SYNPR: variants seen among roughly 807,000 people sequenced by gnomAD.
SYNPR encodes synaptoporin.
In SYNPR, 23 loss-of-function variants were observed where a neutral mutation model predicts 32.9. The ratio of observed to expected loss-of-function variants is 0.70; its 90% confidence interval spans 0.50 to 0.99. The LOEUF (loss-of-function observed/expected upper bound fraction) is 0.99. Ranked by LOEUF, SYNPR falls within the 50% of genes least tolerant of loss-of-function variation. The pLI is 0.00. For synonymous variants in SYNPR, 146 were observed against 135.9 expected (o/e 1.07, Z -0.52); for missense variants, 318 against 349.3 (o/e 0.91, Z 0.71).
chr3:63,293,462 CTT>C (rs1465369194), intron 2 of SYNPR, among the ~76,000 whole-genome samples: 1 of 152,052 alleles, frequency 6.6e-6, no homozygotes, highest in Non-Finnish European at 1.5e-5. Flanking sequence ...TTGAAATATA[CTT>C]TTAGATATCT....
intron 3 of SYNPR, among the ~76,000 whole-genome samples, chr3:63,543,095 T>C (rs1702336568): frequency 6.6e-6 from 1 of 152,148 alleles, no homozygotes; most frequent in African/African-American, 2.4e-5. Flanking sequence ...AAATGCACAT[T>C]CCATGAACTG....
At chr3:63,397,628 G>A (rs2107095804) in intron 2 of SYNPR, among the ~76,000 whole-genome samples, 1 of 152,186 alleles carries the variant, frequency 6.6e-6, no homozygotes, top group South Asian at 2.1e-4. Flanking sequence ...CAGAAGCCAG[G>A]TCAATACTAG....
At chr3:63,539,224 T>C (rs1702259023) in intron 3 of SYNPR, among the ~76,000 whole-genome samples, 1 of 152,146 alleles carries the variant, frequency 6.6e-6, no homozygotes, top group Non-Finnish European at 1.5e-5. Context: ...GTATTAGTCA[T>C]TCAATAGATG....
intron 2 of SYNPR, among the ~76,000 whole-genome samples, chr3:63,314,345 G>T (rs2087017611): frequency 6.6e-6 from 1 of 151,586 alleles, no homozygotes; most frequent in Admixed American, 6.6e-5. Flanking sequence ...CAGTGTAGAA[G>T]TGTTCCCTGT....
chr3:63,325,262 A>T (rs942986190), intron 2 of SYNPR, among the ~76,000 whole-genome samples: 2 of 152,120 alleles, frequency 1.3e-5, no homozygotes, highest in African/African-American at 4.8e-5. Context: ...ATTCACATGT[A>T]CCAAGCATTT....
At chr3:63,361,893 TC>T (rs2087667340) in intron 2 of SYNPR, among the ~76,000 whole-genome samples, 1 of 152,154 alleles carries the variant, frequency 6.6e-6, no homozygotes, top group Non-Finnish European at 1.5e-5. Context: ...ATGGGGCAAC[TC>T]CTGAAAAAAT....
At chr3:63,335,524 C>T (rs533965779) in intron 2 of SYNPR, among the ~76,000 whole-genome samples, 2 of 152,064 alleles carry the variant, frequency 1.3e-5, no homozygotes, top group South Asian at 4.1e-4. Flanking sequence ...ACCAAATTAA[C>T]GCACATTAAA....
chr3:63,546,828 C>T (rs918021302), intron 3 of SYNPR, among the ~76,000 whole-genome samples: 1 of 152,110 alleles, frequency 6.6e-6, no homozygotes, highest in African/African-American at 2.4e-5. Flanking sequence ...CTTTGTCTTT[C>T]ACTTAGATTT....
intron 1 of SYNPR, among the ~76,000 whole-genome samples, chr3:63,233,477 C>T (rs753554362): frequency 3.0e-4 from 45 of 151,862 alleles, no homozygotes; most frequent in Admixed American, 4.6e-4. Context: ...TTGATACTCC[C>T]ATTACTCTGA....
At chr3:63,363,581 G>A (rs1003065089) in intron 2 of SYNPR, among the ~76,000 whole-genome samples, 2 of 152,196 alleles carry the variant, frequency 1.3e-5, no homozygotes, top group Non-Finnish European at 2.9e-5. Context: ...TTGACTCTGT[G>A]TGATCTTAGG....
At chr3:63,524,837 GTGTGTGTGTGTGTGCA>G (rs1701978024) in intron 3 of SYNPR, among the ~76,000 whole-genome samples, 1 of 134,236 alleles carries the variant, frequency 7.4e-6, no homozygotes, top group Non-Finnish European at 1.6e-5. Flanking sequence ...GTGTGTGTGT[GTGTGTGTGTGTGTGCA>G]TGTGTGTGTG....
intron 2 of SYNPR, among the ~76,000 whole-genome samples, chr3:63,461,965 G>T (rs1281773432): frequency 6.6e-6 from 1 of 151,972 alleles, no homozygotes; most frequent in African/African-American, 2.4e-5. Context: ...AATTACCAAA[G>T]AGTGACTTAT....
intron 4 of SYNPR, among the ~76,000 whole-genome samples, chr3:63,605,352 T>C (rs1008400683): frequency 6.6e-6 from 1 of 152,198 alleles, no homozygotes; most frequent in African/African-American, 2.4e-5. Context: ...GACAGGAATT[T>C]GCCCTTCTAC....
intron 3 of SYNPR, among the ~76,000 whole-genome samples, chr3:63,494,407 A>G (rs1166778415): frequency 2.6e-5 from 3 of 114,614 alleles, no homozygotes; most frequent in African/African-American, 4.1e-5. Flanking sequence ...ATATATATAT[A>G]TATATATATA....
At chr3:63,202,306 G>C in the SYNPR span, among the ~76,000 whole-genome samples, 1 of 152,128 alleles carries the variant, frequency 6.6e-6, no homozygotes, top group Non-Finnish European at 1.5e-5. Flanking sequence ...CATCACATTT[G>C]AATATGCCAT....
intron 3 of SYNPR, among the ~76,000 whole-genome samples, chr3:63,537,162 G>A (rs1702224007): frequency 6.6e-6 from 1 of 151,844 alleles, no homozygotes; most frequent in Admixed American, 6.6e-5. Flanking sequence ...AAAAAAATTA[G>A]GGTCAGTCGT....
At chr3:63,210,920 A>C in the SYNPR span, among the ~76,000 whole-genome samples, 3 of 151,746 alleles carry the variant, frequency 2.0e-5, no homozygotes, top group African/African-American at 7.3e-5. Flanking sequence ...ATTCACCTTC[A>C]TACCTGACAC....
chr3:63,299,070 A>G (rs2086817809), intron 2 of SYNPR, among the ~76,000 whole-genome samples: 1 of 152,146 alleles, frequency 6.6e-6, no homozygotes, highest in African/African-American at 2.4e-5. Flanking sequence ...GCTTTGTCTG[A>G]GCTTATATTA....
Position 63,493,815 on chromosome 3 carries a change from C to CAAAAAAA in SYNPR, c.209+12875_209+12881dup, listed in dbSNP as rs3083190. Among the ~76,000 whole-genome samples the CAAAAAAA allele has an allele frequency of 1.2e-3, 90 of 75,062 alleles. 1 individual carries two copies. Among genetic ancestry groups the CAAAAAAA allele is most frequent in the South Asian group, 3.1e-3 (5 of 1,604 alleles). The allele number at this position is 75,062 out of a possible 152,430, so 49.2% of individuals were successfully genotyped here. A position where few individuals can be genotyped will look rare whatever the true frequency, so the allele number is the denominator to read the frequency against. ...TGGGTAACAGTGCAAGACTCTGTCTCAAAAAAAAAAAAAAAAAAAAAATGG... is the reference window on the plus strand; with the variant it reads ...TGGGTAACAGTGCAAGACTCTGTCTCAAAAAAAAAAAAAAAAAAAAAAAAAAAAATGG... On this transcript the variant is annotated intron_variant, in intron 3 of 5. Coordinates refer to ENST00000478300, the MANE Select transcript of SYNPR (RefSeq NM_001130003.2).
Sources: gnomAD v4.1 joint callset for allele counts (sites outside exome capture counted in the v4.1 genomes callset) on GRCh38, gnomAD v4.1.1 for gene constraint, MANE v1.5 for transcripts, NCBI Gene and HGNC (gene_info 2026-07-23, HGNC 2026-07-21) for gene names.